Variants in PNKP observed in about 807,000 individuals in gnomAD.
PNKP encodes the protein polynucleotide kinase 3'-phosphatase, also known as bifunctional polynucleotide phosphatase/kinase.
PNKP carries 82 observed loss-of-function variants against 66.2 expected under a neutral mutation model. The ratio of observed to expected loss-of-function variants is 1.24; its 90% CI spans 1.04 to 1.49. The LOEUF (loss-of-function observed/expected upper bound fraction) is 1.49, where lower values mean the gene tolerates loss of function less well. PNKP is among the 40% of genes most tolerant of loss of function. PNKP has a pLI of 0.00. For missense variants in PNKP, 907 were observed against 706.8 expected (o/e 1.28, Z -3.21); for synonymous variants, 412 against 298.9 (o/e 1.38, Z -3.90).
At chr19:49,864,606 T>A (rs529618970) in intron 4 of PNKP, among the ~76,000 whole-genome samples, 1 of 152,320 alleles carries the variant, frequency 6.6e-6, no homozygotes, top group Admixed American at 6.5e-5. Context: ...TACTGTCTCC[T>A]GTTACTCCTT....
At chr19:49,863,899 G>T in intron 7 of PNKP, 65 bp downstream of exon 7, 2 of 1,438,956 alleles carry the variant, frequency 1.4e-6, no homozygotes, top group Non-Finnish European at 1.9e-6. Context: ...TTACCCTGGA[G>T]TCTAAAGCCC....
At position 49,861,665 on chromosome 19, in the gene PNKP, G is replaced by A. The variant is rs796052846; in HGVS notation, c.1329C>T (p.Val443=). 24 of 1,548,776 alleles carry A rather than the reference G, an allele frequency of 1.5e-5. No individual in the cohort carries two copies. The highest frequency in any genetic ancestry group is 7.3e-5 in the East Asian group (3 of 41,014). The change falls in exon 15 of 17, where the codon GTC becomes GTT. Residue 443 remains valine, a synonymous_variant. Coordinates refer to ENST00000322344, the MANE Select transcript of PNKP (RefSeq NM_007254.4). ...RYVQCARAAG[V]PCRCFLFTAT... is the part of the protein sequence containing the mutation. ...CGGTGAAGAGGAAGCAGCGGCAGGG[G>A]ACGCCCGCGGCTCGGGCACACTGGA... is the stretch of plus-strand genomic sequence containing the variant.
At chr19:49,865,033 A>C in intron 4 of PNKP, 94 bp downstream of exon 4, 2 of 1,001,838 alleles carry the variant, frequency 2.0e-6, no homozygotes, top group Non-Finnish European at 3.1e-6. Flanking sequence ...TTCTCAGAAA[A>C]GTAAGTAGAG....
At chr19:49,866,901 G>A (rs958353758) in intron 2 of PNKP, 153 bp downstream of exon 2, 15 of 812,620 alleles carry the variant, frequency 1.8e-5, no homozygotes, top group African/African-American at 1.5e-4. Context: ...TCTAAATCAA[G>A]CACAAACTTT....
chr19:49,866,878 G>T, intron 2 of PNKP, 176 bp downstream of exon 2: 1 of 709,296 alleles, frequency 1.4e-6, no homozygotes. Flanking sequence ...CTCCCCCAAA[G>T]GATCTAGCTA....
Position 49,861,702 on chromosome 19 carries a change from G to C in PNKP, c.1299-7C>G. On this transcript the variant is annotated splice_polypyrimidine_tract_variant and splice_region_variant and intron_variant, in intron 14 of 16. Coordinates refer to ENST00000322344, the MANE Select transcript of PNKP (RefSeq NM_007254.4). ...TCGGGCACACTGGACGTACCTGTGGGGGAAGGAGCTGGATGTGCAGGCCCC... is the reference window on the plus strand; with the variant it reads ...TCGGGCACACTGGACGTACCTGTGGCGGAAGGAGCTGGATGTGCAGGCCCC... 6.5e-7 allele frequency: 1 copy of C among 1,548,528 alleles called. No individual in the cohort carries two copies. The highest frequency in any genetic ancestry group is 8.7e-7 in the Non-Finnish European group (1 of 1,146,418).
At chr19:49,865,034 G>GT in intron 4 of PNKP, 93 bp downstream of exon 4, 4 of 1,019,532 alleles carry the variant, frequency 3.9e-6, no homozygotes, top group Non-Finnish European at 6.0e-6. Context: ...TCTCAGAAAA[G>GT]TAAGTAGAGG....
In PNKP at chr19:49,862,225, G is replaced by A. The variant is rs749391446; in HGVS notation, c.1086C>T (p.Ser362=). The A allele has an allele frequency of 3.1e-6, 5 of 1,612,512 alleles. No individual in the cohort carries two copies. Among genetic ancestry groups the A allele is most frequent in the African/African-American group, 2.7e-5 (2 of 74,892 alleles). ...CTGCGACAACCACCTCCGGGCTGGC[G>A]CTCAGGAGGGCCCTGGACTCGGGGA... The part of the protein sequence containing the change: ...LCLPESRALL[S]ASPEVVVAVG... Residue 362 remains serine (S), a synonymous_variant, in exon 12 of 17, where the codon AGC becomes AGT. Transcript: ENST00000322344.
In PNKP at chr19:49,862,529, G is replaced by A. The variant is rs2074783878; in HGVS notation, c.936+9C>T. The A allele has an allele frequency of 1.9e-6, 3 of 1,607,526 alleles. No homozygotes were observed. The highest frequency in any genetic ancestry group is 1.3e-5 in the African/African-American group (1 of 74,782). On this transcript the variant is annotated intron_variant, in intron 10 of 16. Coordinates refer to ENST00000322344, the MANE Select transcript of PNKP (RefSeq NM_007254.4). ...GGCTCGGGCGCGGGGCAGGGGGCAG[G>A]GGCCTCACCAGGCGATCGGCGCAGG...
intron 3 of PNKP, 184 bp from the exon 4 acceptor site, chr19:49,865,610 TTTTTTTTTTTTTTTTC>T (rs2074813429): frequency 1.2e-5 from 6 of 509,638 alleles, no homozygotes; most frequent in South Asian, 9.4e-5. Context: ...TCTTTTTTTT[TTTTTTTTTTTTTTTTC>T]CCCTGGAGAT....
At chr19:49,866,001 TC>T in intron 3 of PNKP, 1 of 334,912 alleles carries the variant, frequency 3.0e-6, no homozygotes, top group Non-Finnish European at 5.8e-6. Flanking sequence ...TCCCCTTCTC[TC>T]CCAGCCATAT....
rs538161505 is a variant in PNKP at position 49,863,747 on chromosome 19, G to A, written c.758C>T (p.Thr253Met). The A allele has an allele frequency of 1.5e-5, 23 of 1,559,516 alleles. No individual in the cohort carries two copies. In the East Asian group the frequency reaches 2.4e-4, roughly 16 times the overall value. Residue 253 changes from threonine to methionine, a missense_variant, in exon 8 of 17, where the codon ACG becomes ATG. Thr to Met is a moderately conservative substitution (Grantham distance 81, BLOSUM62 -1). Coordinates refer to ENST00000322344, the MANE Select transcript of PNKP (RefSeq NM_007254.4). ...LGVPFQVLVA[T>M]HAGLYRKPVT... ...CGGCTTCCGGTACAAGCCTGCGTGC[G>A]TGGCCACCAGCACCTGTGGATGGGA...
Position 49,861,384 on chromosome 19 carries a change from G to C in PNKP, c.1449-19C>G. ...CTGCTTCCTGGCAGTGGTGGGAACAGTGAGGGACAGCCTGGATCATGTGGC... is the reference window on the plus strand; with the variant it reads ...CTGCTTCCTGGCAGTGGTGGGAACACTGAGGGACAGCCTGGATCATGTGGC... On this transcript the variant is annotated intron_variant, in intron 16 of 16. Transcript: ENST00000322344. 6.2e-7 allele frequency: 1 copy of C among 1,613,924 alleles called. No individual in the cohort carries two copies.
intron 3 of PNKP, chr19:49,865,964 G>T: frequency 3.5e-6 from 1 of 289,148 alleles, no homozygotes; most frequent in Non-Finnish European, 6.7e-6. Context: ...ACTGAAACAG[G>T]CAACACTTCT....
intron 15 of PNKP, 23 bp from the exon 16 acceptor site, chr19:49,861,533 G>A (rs1307353931): frequency 1.2e-6 from 2 of 1,610,950 alleles, no homozygotes; most frequent in Non-Finnish European, 1.7e-6. Context: ...TCAGAGGGGC[G>A]GCAGGCCCAG....
intron 15 of PNKP, 25 bp downstream of exon 15, chr19:49,861,583 G>C (rs764828516): frequency 6.4e-7 from 1 of 1,560,340 alleles, no homozygotes; most frequent in South Asian, 1.2e-5. Flanking sequence ...GCAGCCCGGG[G>C]GGTGTCCGGG....
chr19:49,862,308 G>A, intron 11 of PNKP, 27 bp from the exon 12 acceptor site: 4 of 1,549,856 alleles, frequency 2.6e-6, no homozygotes, highest in Non-Finnish European at 3.5e-6. Context: ...ACACGCGTGA[G>A]ATGCCGTCCC....
chr19:49,862,754 G>C lies in PNKP; in HGVS notation c.817-16C>G, dbSNP rs751500600. The C allele has an allele frequency of 1.2e-6, 2 of 1,613,926 alleles. No homozygotes were observed. Among genetic ancestry groups the C allele is most frequent in the African/African-American group, 2.7e-5 (2 of 75,038 alleles). On this transcript the variant is annotated splice_polypyrimidine_tract_variant and intron_variant, in intron 8 of 16. Coordinates refer to ENST00000322344, the MANE Select transcript of PNKP (RefSeq NM_007254.4). ...CGTCGTTGGCCTACGGGAGACGGTAGTGAGGAGGCCCTTCCCACAAATGTC... is the reference window on the plus strand; with the variant it reads ...CGTCGTTGGCCTACGGGAGACGGTACTGAGGAGGCCCTTCCCACAAATGTC...
chr19:49,862,252 G>A lies in PNKP; in HGVS notation c.1059C>T (p.Cys353=). ...TCAGGAGGGCCCTGGACTCGGGGAGGCAGAGAGGCCCTGAGCGGGAGACAG... is the reference window on the plus strand; with the variant it reads ...TCAGGAGGGCCCTGGACTCGGGGAGACAGAGAGGCCCTGAGCGGGAGACAG... ...PRTVSRSGPL[C]LPESRALLSA... is the part of the protein sequence containing the mutation. The change falls in exon 12 of 17, where the codon TGC becomes TGT. Residue 353 remains cysteine, a synonymous_variant. Transcript: ENST00000322344. 6.2e-7 allele frequency: 1 copy of A among 1,608,760 alleles called. No individual in the cohort carries two copies. Among genetic ancestry groups the A allele is most frequent in the Non-Finnish European group, 8.5e-7 (1 of 1,177,742 alleles).
Sources: allele counts gnomAD v4.1 joint callset (sites outside exome capture counted in the v4.1 genomes callset), GRCh38; gene constraint gnomAD v4.1.1; transcripts MANE v1.5; gene names NCBI Gene and HGNC (gene_info 2026-07-23, HGNC 2026-07-21).